The following HBEGF variants were observed in gnomAD, a reference collection of about 807,000 sequenced individuals.
HBEGF encodes proheparin-binding EGF-like growth factor.
HBEGF carries 8 observed loss-of-function variants against 19.5 expected under a neutral mutation model. The ratio of observed to expected loss-of-function variants is 0.41; its 90% CI spans 0.24 to 0.74. The LOEUF is 0.74. HBEGF is among the 30% of genes least tolerant of loss of function. The pLI is 0.32. For synonymous variants in HBEGF, 97 were observed against 108.9 expected (o/e 0.89, Z 0.68); for missense variants, 207 against 256.9 (o/e 0.81, Z 1.33).
intron 3 of HBEGF, among the ~76,000 whole-genome samples, chr5:140,337,825 T>G (rs1225279511): frequency 6.6e-6 from 1 of 152,188 alleles, no homozygotes; most frequent in African/African-American, 2.4e-5. Flanking sequence ...ACCCCTATCC[T>G]GCCAGGACAT....
chr5:140,339,614 G>A (rs758077043), intron 3 of HBEGF, among the ~76,000 whole-genome samples: 14 of 152,094 alleles, frequency 9.2e-5, no homozygotes, highest in Admixed American at 2.0e-4. Context: ...GGCTGGTCTC[G>A]AACTCCTGAC....
At chr5:140,339,582 G>A (rs571553985) in intron 3 of HBEGF, among the ~76,000 whole-genome samples, 4 of 151,950 alleles carry the variant, frequency 2.6e-5, no homozygotes, top group East Asian at 1.9e-4. Flanking sequence ...TAGTAGAGAC[G>A]GGGGTTTCTC....
chr5:140,341,518 G>A (rs906275272), intron 3 of HBEGF, among the ~76,000 whole-genome samples: 1 of 152,244 alleles, frequency 6.6e-6, no homozygotes, highest in Non-Finnish European at 1.5e-5. Flanking sequence ...ACAAGTGACT[G>A]TGGACATGGT....
At chr5:140,335,226 T>C in intron 4 of HBEGF, 1 of 157,292 alleles carries the variant, frequency 6.4e-6, no homozygotes, top group East Asian at 1.9e-4. Flanking sequence ...TACTAAAAAA[T>C]AGAAAAAATT....
At chr5:140,339,109 C>T (rs1230161615) in intron 3 of HBEGF, among the ~76,000 whole-genome samples, 3 of 152,194 alleles carry the variant, frequency 2.0e-5, no homozygotes, top group Admixed American at 1.3e-4. Context: ...GGCCAAGTCC[C>T]ACATTGTGTG....
intron 3 of HBEGF, among the ~76,000 whole-genome samples, chr5:140,338,593 C>G (rs4150223): frequency 0.083 from 12,708 of 152,246 alleles, 684 homozygotes; most frequent in South Asian, 0.17. Context: ...CCTCCACCCC[C>G]ACCCTGAGTC....
intron 3 of HBEGF, among the ~76,000 whole-genome samples, chr5:140,341,479 C>G (rs1172211861): frequency 6.6e-6 from 1 of 152,182 alleles, no homozygotes; most frequent in Non-Finnish European, 1.5e-5. Flanking sequence ...ATACCAAGCT[C>G]CTGACAAGGA....
chr5:140,344,024 G>A (rs1285133902), intron 2 of HBEGF, among the ~76,000 whole-genome samples: 2 of 152,208 alleles, frequency 1.3e-5, no homozygotes, highest in East Asian at 3.9e-4. Context: ...TGTTATCGCA[G>A]CTACTCAGGA....
rs1393824007 is a variant in HBEGF, at chr5:140,346,390, G to C, written c.-62C>G. 30 of 1,549,298 alleles carry C rather than the reference G, an allele frequency of 1.9e-5. No homozygotes were observed. Among genetic ancestry groups the C allele is most frequent in the Non-Finnish European group, 2.5e-5 (29 of 1,141,202 alleles). On this transcript the variant is annotated 5_prime_UTR_variant, in exon 1 of 6. Coordinates refer to ENST00000230990, the MANE Select transcript of HBEGF (RefSeq NM_001945.3). The surrounding 1 kb of genome is among the most constrained non-coding windows in gnomAD (Gnocchi z 6.1). ...ACTTTCGAAGCGGCGGCCACTGGGC[G>C]CTGGCACCAGAGCTGGGCGGCGGAG...
At position 140,346,488 on chromosome 5, in the gene HBEGF, T is replaced by C. The variant is rs1766402988; in HGVS notation, c.-160A>G. The C allele has an allele frequency of 5.1e-6, 4 of 781,626 alleles. No homozygotes were observed. Among genetic ancestry groups the C allele is most frequent in the Non-Finnish European group, 6.2e-6 (3 of 484,016 alleles). The allele number at this position is 781,626 out of a possible 1,614,324, so 48.4% of individuals were successfully genotyped here. A position where few individuals can be genotyped will look rare whatever the true frequency, so the allele number is the denominator to read the frequency against. On this transcript the variant is annotated 5_prime_UTR_variant, in exon 1 of 6. Coordinates refer to ENST00000230990, the MANE Select transcript of HBEGF (RefSeq NM_001945.3). The surrounding 1 kb of genome is among the most constrained non-coding windows in gnomAD (Gnocchi z 6.1). ...AGCCTGGCCGGGACCCAGGCGCAGC[T>C]CGCTCTTCTTGAGTGTCTTGTCTTG... is the stretch of plus-strand genomic sequence containing the variant.
intron 3 of HBEGF, among the ~76,000 whole-genome samples, chr5:140,340,716 T>C (rs1193529310): frequency 6.6e-6 from 1 of 152,004 alleles, no homozygotes; most frequent in East Asian, 1.9e-4. Context: ...ATAAGAGACC[T>C]CTAGGACAAC....
Position 140,346,202 on chromosome 5 carries a change from G to A in HBEGF, c.46+81C>T, listed in dbSNP as rs571372974. Reference sequence around the variant, plus strand: ...CCCCACCAAGTGGCCCGTGCCGGGTGCGCTGCGGCGACCTTCCCCCATGCC... The same window carrying A: ...CCCCACCAAGTGGCCCGTGCCGGGTACGCTGCGGCGACCTTCCCCCATGCC... On this transcript the variant is annotated intron_variant, in intron 1 of 5. Transcript: ENST00000230990. The surrounding 1 kb of genome is among the most constrained non-coding windows in gnomAD (Gnocchi z 6.1). The A allele has an allele frequency of 1.7e-4, 270 of 1,554,474 alleles. 1 individual carries two copies. The highest frequency in any genetic ancestry group is 1.5e-3 in the South Asian group (133 of 85,918).
At chr5:140,341,091 A>C (rs1206050624) in intron 3 of HBEGF, among the ~76,000 whole-genome samples, 1 of 152,190 alleles carries the variant, frequency 6.6e-6, no homozygotes, top group African/African-American at 2.4e-5. Flanking sequence ...ATAAACACTG[A>C]AACTCTGGGA....
In HBEGF at chr5:140,338,115, C is replaced by A. The variant is rs763083845; in HGVS notation, c.399-2088G>T. Among the ~76,000 whole-genome samples, 23 of 152,272 alleles carry A rather than the reference C, an allele frequency of 1.5e-4. 1 individual carries two copies. Among genetic ancestry groups the A allele is most frequent in the Admixed American group, 3.9e-4 (6 of 15,292 alleles). ...TTCCACTTTGAACAATGCAGGATAG[C>A]GCAGGTAACTCCAAGGAAGCATATC... On this transcript the variant is annotated intron_variant, in intron 3 of 5. Coordinates refer to ENST00000230990, the MANE Select transcript of HBEGF (RefSeq NM_001945.3).
In HBEGF at chr5:140,346,214, C is replaced by A; in HGVS notation, c.46+69G>T. The A allele has an allele frequency of 6.4e-7, 1 of 1,560,476 alleles. No individual in the cohort carries two copies. Among genetic ancestry groups the A allele is most frequent in the South Asian group, 1.2e-5 (1 of 86,066 alleles). On this transcript the variant is annotated intron_variant, in intron 1 of 5. Coordinates refer to ENST00000230990, the MANE Select transcript of HBEGF (RefSeq NM_001945.3). This position sits in a 1 kb window ranked among gnomAD's most constrained non-coding sequence, Gnocchi z 6.1. The stretch of plus-strand genomic sequence containing the variant: ...GCCCGTGCCGGGTGCGCTGCGGCGA[C>A]CTTCCCCCATGCCCCCAGCACAACG...
rs563412264 is a variant in HBEGF at position 140,341,658 on chromosome 5, C to T, written c.398+977G>A. 1.5e-4 allele frequency among the ~76,000 whole-genome samples: 23 copies of T among 152,334 alleles called. 1 individual carries two copies. In the South Asian group the frequency reaches 4.1e-3, roughly 27 times the overall value. On this transcript the variant is annotated intron_variant, in intron 3 of 5. Coordinates refer to ENST00000230990, the MANE Select transcript of HBEGF (RefSeq NM_001945.3). Reference sequence around the variant, plus strand: ...TCACCAGTAGAAGGGATGCCAGGCACGCCGCCTTCTTGACAGGCTGGAGGC... The same window carrying T: ...TCACCAGTAGAAGGGATGCCAGGCATGCCGCCTTCTTGACAGGCTGGAGGC...
chr5:140,342,615 C>T lies in HBEGF; in HGVS notation c.398+20G>A, dbSNP rs752761244. ...ACAAAGTGTGCTGATGAGATTCAGC[C>T]CTGGGGAAGGGGCACTTACATGCAG... On this transcript the variant is annotated intron_variant, in intron 3 of 5. Transcript: ENST00000230990. The T allele has an allele frequency of 2.5e-6, 4 of 1,612,564 alleles. No individual in the cohort carries two copies. The African/African-American group carries it at 4.0e-5, about 16-fold the overall frequency.
Position 140,334,720 on chromosome 5 carries a change from C to G in HBEGF, c.583G>C (p.Glu195Gln), listed in dbSNP as rs1353756918. The change falls in exon 5 of 6, where the codon GAA (glutamate) becomes CAA (glutamine). Residue 195 changes from glutamate to glutamine, a missense_variant. Around this residue, in one of 3 missense-constraint regions of HBEGF, gnomAD observed 77 missense variants for 106.9 expected, o/e 0.72. Coordinates refer to ENST00000230990, the MANE Select transcript of HBEGF (RefSeq NM_001945.3). ...CCCAACTTCACTTTCTCTTCATTTT[C>G]CACATCATAACCTCCTCTCCTATGG... ...RYHRRGGYDV[E>Q]NEEKVKLGMT... 1.4e-5 allele frequency: 22 copies of G among 1,613,796 alleles called. No individual in the cohort carries two copies. Among genetic ancestry groups the G allele is most frequent in the Non-Finnish European group, 1.5e-5 (18 of 1,179,802 alleles).
At chr5:140,336,614 G>C (rs1341944894) in intron 3 of HBEGF, among the ~76,000 whole-genome samples, 1 of 152,142 alleles carries the variant, frequency 6.6e-6, no homozygotes, top group African/African-American at 2.4e-5. Flanking sequence ...GCTCCCCCTG[G>C]GTGCAGGGCC....
Sources: gnomAD v4.1 joint callset for allele counts (sites outside exome capture counted in the v4.1 genomes callset) on GRCh38, gnomAD v4.1.1 for gene constraint, gnomAD v4.1.1 regional missense constraint, Gnocchi (gnomAD v3.1) non-coding constraint, MANE v1.5 for transcripts, NCBI Gene and HGNC (gene_info 2026-07-23, HGNC 2026-07-21) for gene names.